The following KCNIP4 variants were observed in gnomAD, a reference collection of about 807,000 sequenced individuals.
The protein encoded by KCNIP4 is Kv channel-interacting protein 4.
A neutral mutation model predicts 34.0 loss-of-function variants in KCNIP4; 12 were observed. The ratio of observed to expected loss-of-function variants is 0.35; its 90% CI spans 0.23 to 0.57. The LOEUF (loss-of-function observed/expected upper bound fraction) is 0.57, where lower values mean the gene tolerates loss of function less well. Ranked by LOEUF, KCNIP4 falls within the 20% of genes least tolerant of loss-of-function variation. The probability of loss-of-function intolerance (pLI) is 0.83; values close to 1 mark genes in which losing one functional copy is unlikely to be tolerated. For missense variants in KCNIP4, 238 were observed against 311.7 expected, an observed-to-expected ratio of 0.76 and a Z score of 1.78; for synonymous variants, 124 against 102.2, an observed-to-expected ratio of 1.21 and a Z score of -1.29.
Position 20,897,212 on chromosome 4 carries a change from C to T in KCNIP4, c.62-14503G>A, listed in dbSNP as rs566249083. ...ACAGCCAAATTCCCTAATTAGCAAC[C>T]TGTGGACAACCCACCCCCTCCAACC... On this transcript the variant is annotated intron_variant, in intron 1 of 8. Transcript: ENST00000382152. Among the ~76,000 whole-genome samples the T allele has an allele frequency of 2.6e-5, 4 of 152,246 alleles. No individual in the cohort carries two copies. The South Asian group carries it at 8.3e-4, about 32-fold the overall frequency.
chr4:21,914,215 T>C (rs892076193), intron 1 of KCNIP4, among the ~76,000 whole-genome samples: 4 of 152,104 alleles, frequency 2.6e-5, no homozygotes, highest in African/African-American at 4.8e-5. Context: ...AGGCAAACAT[T>C]GAGCATAAGC....
intron 2 of KCNIP4, among the ~76,000 whole-genome samples, chr4:20,881,278 A>G (rs1724650855): frequency 6.6e-6 from 1 of 152,060 alleles, no homozygotes; most frequent in Non-Finnish European, 1.5e-5. Context: ...TTCTTTCCAT[A>G]TTTTCTCATT....
intron 3 of KCNIP4, among the ~76,000 whole-genome samples, chr4:20,792,745 A>T (rs183982642): frequency 3.9e-5 from 6 of 152,306 alleles, no homozygotes. Flanking sequence ...AATAATATAG[A>T]TTAAACATAT....
chr4:20,881,377 T>C (rs1368789538), intron 2 of KCNIP4, among the ~76,000 whole-genome samples: 1 of 152,158 alleles, frequency 6.6e-6, no homozygotes, highest in African/African-American at 2.4e-5. Context: ...GGTGTAGCAG[T>C]ATAAAAAGCG....
intron 1 of KCNIP4, among the ~76,000 whole-genome samples, chr4:21,726,470 A>T (rs1010018375): frequency 2.0e-5 from 3 of 152,202 alleles, no homozygotes; most frequent in African/African-American, 7.2e-5. Flanking sequence ...CTATGGGATG[A>T]CCTAGAGCAC....
chr4:21,555,678 AG>A, intron 1 of KCNIP4, among the ~76,000 whole-genome samples: 1 of 152,338 alleles, frequency 6.6e-6, no homozygotes, highest in Middle Eastern at 3.4e-3. Flanking sequence ...ATACTGGTGG[AG>A]ATAAAAACCA....
chr4:21,358,751 A>G (rs1718917857), intron 1 of KCNIP4, among the ~76,000 whole-genome samples: 1 of 152,128 alleles, frequency 6.6e-6, no homozygotes, highest in Non-Finnish European at 1.5e-5. Flanking sequence ...ATTCAAAGTC[A>G]TCCCTCTGCT....
intron 1 of KCNIP4, among the ~76,000 whole-genome samples, chr4:21,757,158 A>G (rs996876325): frequency 1.0e-4 from 3 of 29,138 alleles, no homozygotes; most frequent in East Asian, 9.1e-4. Context: ...AAAGAAAGAA[A>G]GAAAGAAAGA....
At chr4:21,267,529 AC>A (rs1247286714) in intron 1 of KCNIP4, among the ~76,000 whole-genome samples, 1 of 150,376 alleles carries the variant, frequency 6.6e-6, no homozygotes, top group Non-Finnish European at 1.5e-5. Flanking sequence ...TCCCATCAAT[AC>A]CTAATTTATT....
At chr4:20,841,555 C>T (rs777315312) in intron 3 of KCNIP4, among the ~76,000 whole-genome samples, 3 of 152,192 alleles carry the variant, frequency 2.0e-5, no homozygotes, top group Admixed American at 6.5e-5. Context: ...CAAAACATCA[C>T]GACGTCCACT....
chr4:21,724,730 CA>C lies in KCNIP4; in HGVS notation c.61+223840del, dbSNP rs546489641. On this transcript the variant is annotated intron_variant, in intron 1 of 8. Coordinates refer to ENST00000382152, the MANE Select transcript of KCNIP4 (RefSeq NM_025221.6). ...TACATGCACTTTACACATAACTTTT[CA>C]AAGTATTATCATTTTGAAGTGAAGA... Among the ~76,000 whole-genome samples the C allele has an allele frequency of 3.8e-3, 580 of 152,090 alleles. 6 individuals carry two copies. Among genetic ancestry groups the C allele is most frequent in the Middle Eastern group, 0.024 (7 of 294 alleles).
chr4:21,267,394 G>A (rs1413411046), intron 1 of KCNIP4, among the ~76,000 whole-genome samples: 1 of 151,948 alleles, frequency 6.6e-6, no homozygotes, highest in East Asian at 1.9e-4. Flanking sequence ...TGTTGAATAG[G>A]AGTGGTGGGA....
At chr4:21,296,995 T>C (rs1578039173) in intron 1 of KCNIP4, among the ~76,000 whole-genome samples, 1 of 151,508 alleles carries the variant, frequency 6.6e-6, no homozygotes, top group East Asian at 1.9e-4. Context: ...TATGTATGTG[T>C]GTGTGTATAC....
At chr4:21,942,263 G>A (rs1455679902) in intron 1 of KCNIP4, among the ~76,000 whole-genome samples, 1 of 152,166 alleles carries the variant, frequency 6.6e-6, no homozygotes, top group African/African-American at 2.4e-5. Flanking sequence ...GAATAATGGT[G>A]GTGGATGTGG....
chr4:21,610,819 C>CT (rs1004220000), intron 1 of KCNIP4, among the ~76,000 whole-genome samples: 3 of 150,320 alleles, frequency 2.0e-5, no homozygotes, highest in Non-Finnish European at 4.4e-5. Flanking sequence ...AGAGGCACAT[C>CT]TTTTTTTTTT....
At chr4:20,766,497 T>C (rs1755429970) in intron 3 of KCNIP4, among the ~76,000 whole-genome samples, 1 of 152,078 alleles carries the variant, frequency 6.6e-6, no homozygotes, top group Non-Finnish European at 1.5e-5. Flanking sequence ...ATCTGGGAGA[T>C]GGAGGTTGCA....
intron 1 of KCNIP4, among the ~76,000 whole-genome samples, chr4:21,653,969 T>C (rs987627345): frequency 2.0e-5 from 3 of 152,222 alleles, no homozygotes; most frequent in African/African-American, 4.8e-5. Flanking sequence ...TCAAATAAGT[T>C]TCTATTAATA....
intron 1 of KCNIP4, among the ~76,000 whole-genome samples, chr4:21,106,038 G>C (rs1327010938): frequency 1.3e-5 from 2 of 151,588 alleles, no homozygotes; most frequent in Non-Finnish European, 2.9e-5. Flanking sequence ...GTTCATCAAG[G>C]ATATTGGTCT....
chr4:21,177,877 T>TATATATA (rs1338439962), intron 1 of KCNIP4, among the ~76,000 whole-genome samples: 2 of 146,348 alleles, frequency 1.4e-5, no homozygotes, highest in Admixed American at 6.8e-5. Flanking sequence ...TATATATATA[T>TATATATA]AAAATATAAC....
Sources: allele counts gnomAD v4.1 joint callset (sites outside exome capture counted in the v4.1 genomes callset), GRCh38; gene constraint gnomAD v4.1.1; transcripts MANE v1.5; gene names NCBI Gene and HGNC (gene_info 2026-07-23, HGNC 2026-07-21).